Variants in MOBP observed in about 807,000 individuals in gnomAD.
MOBP encodes myelin-associated oligodendrocyte basic protein.
In MOBP, 5 loss-of-function variants were observed where a neutral mutation model predicts 15.0. The observed-to-expected ratio is 0.33, with a 90% confidence interval of 0.17 to 0.70. The LOEUF is 0.70. Ranked by LOEUF, MOBP falls within the 30% of genes least tolerant of loss-of-function variation. The pLI is 0.67. For synonymous variants in MOBP, 88 were observed against 99.0 expected, an observed-to-expected ratio of 0.89 and a Z score of 0.66; for missense variants, 188 against 257.8, an observed-to-expected ratio of 0.73 and a Z score of 1.85.
chr3:39,477,557 G>A (rs1277376100), intron 1 of MOBP, among the ~76,000 whole-genome samples: 2 of 151,578 alleles, frequency 1.3e-5, no homozygotes, highest in Non-Finnish European at 2.9e-5. Context: ...ACTAGTTTAT[G>A]TATTTATTAT....
rs201938375 is a variant in MOBP, at chr3:39,469,286, A to G, written c.-89+1546A>G. Among the ~76,000 whole-genome samples the G allele has an allele frequency of 2.3e-3, 259 of 114,612 alleles. 8 individuals carry two copies. The highest frequency in any genetic ancestry group is 7.2e-3 in the African/African-American group (244 of 33,926). 75.2% of individuals were successfully genotyped at this position (114,612 alleles called of 152,430 possible). A position where few individuals can be genotyped will look rare whatever the true frequency, so the allele number is the denominator to read the frequency against. On this transcript the variant is annotated intron_variant, in intron 1 of 3. Coordinates refer to ENST00000684792, the MANE Select transcript of MOBP (RefSeq NM_001393704.1). ...TGTATATGTATAGATATATATACAT[A>G]TGTGTGTATATGTATATATACACAT...
rs1412785126 is a variant in MOBP at position 39,486,085 on chromosome 3, A to G, written c.-5+5962A>G. Among the ~76,000 whole-genome samples, 3 of 152,328 alleles carry G rather than the reference A, an allele frequency of 2.0e-5. No individual in the cohort carries two copies. The East Asian group carries it at 5.8e-4, about 29-fold the overall frequency. On this transcript the variant is annotated intron_variant, in intron 2 of 3. Coordinates refer to ENST00000684792, the MANE Select transcript of MOBP (RefSeq NM_001393704.1). ...TTGTATAAAATAATCTTTTTAGTTT[A>G]TAAAAGAGTCTCTATGATTTGCTTT... is the stretch of plus-strand genomic sequence containing the variant.
intron 1 of MOBP, among the ~76,000 whole-genome samples, chr3:39,477,888 A>G (rs1366855575): frequency 1.3e-5 from 2 of 152,058 alleles, no homozygotes; most frequent in Non-Finnish European, 2.9e-5. Flanking sequence ...AAGCTTATAG[A>G]ATAAGAATAT....
chr3:39,523,120 A>G (rs1044409048), intron 3 of MOBP, among the ~76,000 whole-genome samples: 6 of 152,226 alleles, frequency 3.9e-5, no homozygotes, highest in African/African-American at 1.4e-4. Context: ...AGTAACTCTC[A>G]TGATCAAGGT....
At chr3:39,482,432 A>G (rs538217540) in intron 2 of MOBP, among the ~76,000 whole-genome samples, 4 of 152,196 alleles carry the variant, frequency 2.6e-5, no homozygotes, top group Admixed American at 1.3e-4. Context: ...TGGGCGGATC[A>G]TGAGGTCATG....
intron 2 of MOBP, among the ~76,000 whole-genome samples, chr3:39,494,406 C>T (rs946089106): frequency 6.6e-6 from 1 of 151,890 alleles, no homozygotes; most frequent in African/African-American, 2.4e-5. Context: ...TCACTTTTCT[C>T]TCCTGTTTAG....
At chr3:39,492,187 T>A (rs1465426333) in intron 2 of MOBP, among the ~76,000 whole-genome samples, 1 of 152,208 alleles carries the variant, frequency 6.6e-6, no homozygotes, top group Non-Finnish European at 1.5e-5. Flanking sequence ...AGGAGCCTGA[T>A]GACCAGTGGC....
chr3:39,517,528 C>T (rs1233893941), downstream of MOBP, among the ~76,000 whole-genome samples: 1 of 152,200 alleles, frequency 6.6e-6, no homozygotes, highest in Non-Finnish European at 1.5e-5. Context: ...CTTCTGACTT[C>T]ATATAGATAA....
chr3:39,468,144 C>T (rs1332631571), intron 1 of MOBP, among the ~76,000 whole-genome samples: 1 of 150,372 alleles, frequency 6.7e-6, no homozygotes, highest in Admixed American at 6.6e-5. Context: ...AGTTTTTCTT[C>T]TTATCTAGGA....
chr3:39,529,350 T>C (rs1302962986), downstream of MOBP: 4 of 152,090 alleles, frequency 2.6e-5, no homozygotes, highest in African/African-American at 9.7e-5. Flanking sequence ...AGTTTGACCA[T>C]GAATATCTAG....
downstream of MOBP, among the ~76,000 whole-genome samples, chr3:39,517,333 C>T (rs746926398): frequency 3.3e-5 from 5 of 152,268 alleles, no homozygotes; most frequent in Non-Finnish European, 7.4e-5. Flanking sequence ...CCCATGGCCA[C>T]TGAAACCATG....
intron 2 of MOBP, among the ~76,000 whole-genome samples, chr3:39,483,165 A>G (rs1185459756): frequency 6.6e-6 from 1 of 152,200 alleles, no homozygotes; most frequent in African/African-American, 2.4e-5. Context: ...GTTCATTGTC[A>G]TATTGTCAGG....
chr3:39,513,522 T>C, exon 5 of MOBP: 1 of 1,258,256 alleles, frequency 7.9e-7, no homozygotes, highest in Non-Finnish European at 1.1e-6. Context: ...TCAAATATTA[T>C]GCAGGGGCAA....
In MOBP at chr3:39,486,940, T is replaced by TAA. The variant is rs1559418334; in HGVS notation, c.-5+6817_-5+6818insAA. On this transcript the variant is annotated intron_variant, in intron 2 of 3. Coordinates refer to ENST00000684792, the MANE Select transcript of MOBP (RefSeq NM_001393704.1). ...TGATGTACAGTAGCTTTTTTTTTTT[T>TAA]TTTTAACTTCTGTTTTTAGAGACAG... Among the ~76,000 whole-genome samples the TAA allele has an allele frequency of 2.3e-3, 352 of 151,656 alleles. 3 individuals are homozygous for TAA. The highest frequency in any genetic ancestry group is 8.1e-3 in the African/African-American group (335 of 41,388).
chr3:39,507,128 G>A (rs2043058907), downstream of MOBP, among the ~76,000 whole-genome samples: 2 of 152,194 alleles, frequency 1.3e-5, no homozygotes, highest in South Asian at 4.1e-4. Flanking sequence ...ACTCACGTGT[G>A]ATGACTTCTA....
chr3:39,519,959 GTTTT>G (rs11303840), downstream of MOBP, among the ~76,000 whole-genome samples: 1 of 132,130 alleles, frequency 7.6e-6, no homozygotes. Context: ...CATGACATCT[GTTTT>G]TTTTTTTTTT....
chr3:39,525,496 GGAAA>G (rs1225531589), downstream of MOBP: 2 of 152,300 alleles, frequency 1.3e-5, no homozygotes, highest in East Asian at 3.8e-4. Context: ...TCAGATTAGA[GGAAA>G]GAAAGAGCAT....
downstream of MOBP, chr3:39,526,075 G>GT (rs1255284084): frequency 6.6e-6 from 1 of 152,222 alleles, no homozygotes; most frequent in Non-Finnish European, 1.5e-5. Context: ...ACAGACCACT[G>GT]TAAGTGAGAA....
At chr3:39,471,807 T>C (rs1461157356) in intron 1 of MOBP, among the ~76,000 whole-genome samples, 1 of 152,214 alleles carries the variant, frequency 6.6e-6, no homozygotes, top group East Asian at 1.9e-4. Context: ...GAATCTAACA[T>C]GTACTGAGAT....
Sources: allele counts gnomAD v4.1 joint callset (sites outside exome capture counted in the v4.1 genomes callset), GRCh38; gene constraint gnomAD v4.1.1; transcripts MANE v1.5; gene names NCBI Gene and HGNC (gene_info 2026-07-23, HGNC 2026-07-21).